The following TTC21B variants were observed in gnomAD, a reference collection of about 807,000 sequenced individuals.
TTC21B encodes the protein tetratricopeptide repeat protein 21B.
A neutral mutation model predicts 175.1 loss-of-function variants in TTC21B; 127 were observed. That is an observed-to-expected ratio of 0.73 (90% confidence interval 0.63 to 0.84). The LOEUF is 0.84. Among genes scored for constraint, TTC21B ranks in the 40% least tolerant of loss-of-function variants. TTC21B has a pLI of 0.00. For missense variants in TTC21B, 1,561 were observed against 1,558.3 expected (o/e 1.00, Z -0.03); for synonymous variants, 524 against 524.5 (o/e 1.00, Z 0.01).
At chr2:165,904,025 C>T (rs1574085012) in intron 19 of TTC21B, among the ~76,000 whole-genome samples, 1 of 152,118 alleles carries the variant, frequency 6.6e-6, no homozygotes, top group Non-Finnish European at 1.5e-5. Flanking sequence ...GGGGTGCTGG[C>T]ATTGTCTAGC....
chr2:165,890,929 C>T lies in TTC21B; in HGVS notation c.3010G>A (p.Asp1004Asn). The part of the protein sequence containing the change: ...DLLRRCGKLE[D>N]VPRFFSMAEK... ...GCCATTGAGAAAAATCTTGGGACAT[C>T]CTCGAGTTTTCCACATCTTCTTAGG... Residue 1004 changes from aspartate (D) to asparagine (N), a missense_variant, in exon 23 of 29, where the codon GAT becomes AAT. Asp to Asn is a conservative substitution (Grantham distance 23). Coordinates refer to ENST00000243344, the MANE Select transcript of TTC21B (RefSeq NM_024753.5). The T allele has an allele frequency of 6.2e-7, 1 of 1,613,208 alleles. No individual in the cohort carries two copies. The highest frequency in any genetic ancestry group is 1.1e-5 in the South Asian group (1 of 91,054).
rs1339376178 is a variant in TTC21B, at chr2:165,927,121, TA to T, written c.1386+2013del. Among the ~76,000 whole-genome samples the T allele has an allele frequency of 3.2e-4, 21 of 65,972 alleles. 2 individuals are homozygous for T. The Admixed American group carries it at 4.3e-3, about 14-fold the overall frequency. 43.3% of individuals were successfully genotyped at this position (65,972 alleles called of 152,430 possible). On this transcript the variant is annotated intron_variant, in intron 11 of 28. Transcript: ENST00000243344. ...ATATATATATATATATCCTAGTAGA[TA>T]TATATATATATATATCCTAGTAGTT...
chr2:165,911,555 G>C, intron 17 of TTC21B, 90 bp from the exon 18 acceptor site: 5 of 1,474,406 alleles, frequency 3.4e-6, no homozygotes, highest in Non-Finnish European at 4.7e-6. Context: ...TTAAAGCATT[G>C]GTATAACTAG....
At position 165,929,123 on chromosome 2, in the gene TTC21B, A is replaced by G. The variant is rs775935934; in HGVS notation, c.1386+12T>C. 2.5e-6 allele frequency: 4 copies of G among 1,609,742 alleles called. No homozygotes were observed. Among genetic ancestry groups the G allele is most frequent in the Non-Finnish European group, 3.4e-6 (4 of 1,176,512 alleles). On this transcript the variant is annotated intron_variant, in intron 11 of 28. Transcript: ENST00000243344. ...AAACGCATCCTTGAAAGTAAGTCCC[A>G]TAATTACTTACCTGCATTGGACAGA...
chr2:165,933,701 A>G (rs568706161), intron 6 of TTC21B, among the ~76,000 whole-genome samples: 7 of 152,132 alleles, frequency 4.6e-5, no homozygotes, highest in Non-Finnish European at 1.0e-4. Flanking sequence ...CAGTTTTTCA[A>G]CCCTCCCTGA....
chr2:165,891,252 T>C (rs13007057), intron 22 of TTC21B, among the ~76,000 whole-genome samples: 3 of 152,124 alleles, frequency 2.0e-5, no homozygotes, highest in Non-Finnish European at 2.9e-5. Flanking sequence ...TTTTCTATTG[T>C]TTGGGGGACC....
intron 12 of TTC21B, among the ~76,000 whole-genome samples, chr2:165,922,565 T>TAAAAAAA (rs1686452039): frequency 8.5e-5 from 2 of 23,592 alleles, no homozygotes; most frequent in Non-Finnish European, 8.8e-5. Flanking sequence ...TATTAAAAAG[T>TAAAAAAA]CAAAAAAAAA....
chr2:165,944,001 TA>T (rs1453079303), intron 4 of TTC21B, among the ~76,000 whole-genome samples: 1 of 152,108 alleles, frequency 6.6e-6, no homozygotes, highest in Non-Finnish European at 1.5e-5. Context: ...CTTTTTCTAT[TA>T]AAAAAATCTA....
chr2:165,944,957 T>A (rs1687497875), intron 4 of TTC21B, among the ~76,000 whole-genome samples: 1 of 152,208 alleles, frequency 6.6e-6, no homozygotes, highest in Non-Finnish European at 1.5e-5. Context: ...CTTAAGCGTG[T>A]GATCTCTCCT....
chr2:165,897,409 T>C (rs1685407417), intron 22 of TTC21B, among the ~76,000 whole-genome samples: 1 of 152,000 alleles, frequency 6.6e-6, no homozygotes, highest in Non-Finnish European at 1.5e-5. Flanking sequence ...GGAGGTGATA[T>C]ATGAGAGAAA....
At chr2:165,902,838 C>A (rs1360520531) in intron 19 of TTC21B, among the ~76,000 whole-genome samples, 2 of 152,166 alleles carry the variant, frequency 1.3e-5, no homozygotes, top group Non-Finnish European at 2.9e-5. Flanking sequence ...ATCCTTGCAT[C>A]CCTGAATTCT....
intron 27 of TTC21B, among the ~76,000 whole-genome samples, chr2:165,879,073 C>T (rs776491898): frequency 3.3e-5 from 5 of 152,010 alleles, no homozygotes; most frequent in Non-Finnish European, 5.9e-5. Context: ...GATGCAATGA[C>T]AATCTTAAGG....
chr2:165,911,644 A>G (rs1685946901), intron 17 of TTC21B, among the ~76,000 whole-genome samples, 179 bp from the exon 18 acceptor site: 1 of 151,456 alleles, frequency 6.6e-6, no homozygotes, highest in Non-Finnish European at 1.5e-5. Context: ...AGATCATCAC[A>G]TGAAACAACT....
intron 15 of TTC21B, among the ~76,000 whole-genome samples, 154 bp from the exon 16 acceptor site, chr2:165,913,800 T>C (rs1356624288): frequency 6.6e-6 from 1 of 152,216 alleles, no homozygotes; most frequent in East Asian, 1.9e-4. Flanking sequence ...AAAAACCTCA[T>C]GCATACCCAC....
At chr2:165,937,126 G>A (rs1687178905) in intron 6 of TTC21B, among the ~76,000 whole-genome samples, 1 of 151,944 alleles carries the variant, frequency 6.6e-6, no homozygotes, top group Non-Finnish European at 1.5e-5. Context: ...GAACTATCAA[G>A]TCATGAAAAG....
intron 22 of TTC21B, among the ~76,000 whole-genome samples, chr2:165,891,955 C>T (rs1424783898): frequency 2.6e-5 from 4 of 151,956 alleles, no homozygotes; most frequent in Non-Finnish European, 5.9e-5. Context: ...ATATACAAAA[C>T]TGGAGTCACA....
intron 6 of TTC21B, among the ~76,000 whole-genome samples, chr2:165,934,517 A>AAAAAAAAAAAAAAAAAAAAAAAAG (rs1553514802): frequency 8.6e-6 from 1 of 116,524 alleles, no homozygotes; most frequent in African/African-American, 3.2e-5. Flanking sequence ...AAAAAAAAAA[A>AAAAAAAAAAAAAAAAAAAAAAAAG]AAAAGAAAAG....
rs1046102532 is a variant in TTC21B at position 165,929,248 on chromosome 2, T to G, written c.1273A>C (p.Thr425Pro). The change falls in exon 11 of 29, where the codon ACT becomes CCT. Residue 425 changes from threonine to proline, a missense_variant. Transcript: ENST00000243344. The stretch of plus-strand genomic sequence containing the variant: ...AAACCTTCTAATTGTGAAAAGTGAG[T>G]GTCCAGGACATCATTTAACAAATTA... The part of the protein sequence containing the change: ...VINLLNDVLD[T>P]HFSQLEGLPL... The G allele has an allele frequency of 6.2e-7, 1 of 1,612,826 alleles. No individual in the cohort carries two copies. The highest frequency in any genetic ancestry group is 2.2e-5 in the East Asian group (1 of 44,764).
At chr2:165,952,360 T>C (rs1313609551) in intron 1 of TTC21B, among the ~76,000 whole-genome samples, 1 of 17,272 alleles carries the variant, frequency 5.8e-5, no homozygotes, top group Non-Finnish European at 6.3e-3. Flanking sequence ...ATGGCTGTTT[T>C]GAACAAGCCA....
Sources: gnomAD v4.1 joint callset for allele counts (sites outside exome capture counted in the v4.1 genomes callset) on GRCh38, gnomAD v4.1.1 for gene constraint, MANE v1.5 for transcripts, NCBI Gene and HGNC (gene_info 2026-07-23, HGNC 2026-07-21) for gene names.